FRMD4B: variants seen among roughly 807,000 people sequenced by gnomAD.
The protein encoded by FRMD4B is FERM domain containing 4B.
In FRMD4B, 74 loss-of-function variants were observed where a neutral mutation model predicts 141.5. The observed-to-expected ratio is 0.52, with a 90% CI of 0.43 to 0.63. The LOEUF (loss-of-function observed/expected upper bound fraction) is 0.63, where lower values mean the gene tolerates loss of function less well. Among genes scored for constraint, FRMD4B ranks in the 30% least tolerant of loss-of-function variants. FRMD4B has a pLI of 0.00. For synonymous variants in FRMD4B, 506 were observed against 467.9 expected (o/e 1.08, Z -1.05); for missense variants, 1,366 against 1,253.4 (o/e 1.09, Z -1.36).
intron 3 of FRMD4B, among the ~76,000 whole-genome samples, chr3:69,303,553 A>C (rs1701289332): frequency 6.6e-6 from 1 of 152,326 alleles, no homozygotes; most frequent in East Asian, 1.9e-4. Context: ...AAACTAGGCC[A>C]TATGTTAATA....
intron 2 of FRMD4B, among the ~76,000 whole-genome samples, chr3:69,401,551 T>C (rs1273559203): frequency 6.6e-6 from 1 of 152,152 alleles, no homozygotes; most frequent in East Asian, 1.9e-4. Flanking sequence ...GTATCTTTCT[T>C]CCTCTCTTTC....
At chr3:69,417,587 T>G (rs894963781) in intron 2 of FRMD4B, among the ~76,000 whole-genome samples, 3 of 152,218 alleles carry the variant, frequency 2.0e-5, no homozygotes, top group Non-Finnish European at 4.4e-5. Context: ...TTGTTGCCAT[T>G]GCTTTTGGTG....
intron 1 of FRMD4B, among the ~76,000 whole-genome samples, chr3:69,496,598 TGAAA>T (rs1559545502): frequency 8.3e-6 from 1 of 120,536 alleles, no homozygotes; most frequent in African/African-American, 3.3e-5. Flanking sequence ...AGGTGAAAGA[TGAAA>T]GAGAGAGAGT....
At chr3:69,400,544 GA>G (rs923312669) in intron 2 of FRMD4B, among the ~76,000 whole-genome samples, 25 of 152,238 alleles carry the variant, frequency 1.6e-4, no homozygotes, top group Admixed American at 1.6e-3. Context: ...ACTACTGGAT[GA>G]AAAAACAAAC....
intron 1 of FRMD4B, among the ~76,000 whole-genome samples, chr3:69,477,523 T>C (rs1706023888): frequency 2.0e-5 from 3 of 151,776 alleles, no homozygotes; most frequent in African/African-American, 7.3e-5. Flanking sequence ...TTTGCATATA[T>C]TGAACCAGCC....
intron 1 of FRMD4B, among the ~76,000 whole-genome samples, chr3:69,439,619 A>G (rs1705313983): frequency 6.6e-6 from 1 of 152,154 alleles, no homozygotes; most frequent in Non-Finnish European, 1.5e-5. Context: ...TTCTGTCCCG[A>G]AGTAGAATCT....
At chr3:69,420,466 G>T (rs767797036) in intron 2 of FRMD4B, among the ~76,000 whole-genome samples, 11 of 152,134 alleles carry the variant, frequency 7.2e-5, no homozygotes, top group Non-Finnish European at 1.2e-4. Flanking sequence ...GAGGTTAAGT[G>T]ATTTTCCCCA....
At chr3:69,304,279 T>C (rs1335724463) in intron 3 of FRMD4B, among the ~76,000 whole-genome samples, 1 of 148,726 alleles carries the variant, frequency 6.7e-6, no homozygotes, top group Non-Finnish European at 1.5e-5. Context: ...AGGTCAGGAG[T>C]TTAAGATCAG....
intron 1 of FRMD4B, among the ~76,000 whole-genome samples, chr3:69,452,115 A>G (rs972601452): frequency 2.6e-5 from 4 of 152,272 alleles, no homozygotes; most frequent in African/African-American, 9.6e-5. Context: ...AAGCATCATC[A>G]TTTATTCCTT....
In FRMD4B at chr3:69,310,521, C is replaced by T. The variant is rs990017357; in HGVS notation, c.323+742G>A. ...CATAAAATGTAGGCAAATTGGGCTG[C>T]CATAAAAAAGACAGACAGATACACA... is the stretch of plus-strand genomic sequence containing the variant. On this transcript the variant is annotated intron_variant, in intron 3 of 22. Coordinates refer to ENST00000398540, the MANE Select transcript of FRMD4B (RefSeq NM_015123.3). 5.1e-5 allele frequency: 23 copies of T among 451,130 alleles called. 1 individual carries two copies. In the Admixed American group the frequency reaches 5.5e-4, roughly 11 times the overall value. 27.9% of individuals were successfully genotyped at this position (451,130 alleles called of 1,614,324 possible). A position where few individuals can be genotyped will look rare whatever the true frequency, so the allele number is the denominator to read the frequency against.
intron 2 of FRMD4B, among the ~76,000 whole-genome samples, chr3:69,405,849 T>C (rs1277749246): frequency 1.3e-5 from 2 of 152,238 alleles, no homozygotes; most frequent in African/African-American, 4.8e-5. Flanking sequence ...ACTTGGTCCC[T>C]TGTAGTGAAA....
At chr3:69,204,469 G>C (rs2093002100) in intron 11 of FRMD4B, among the ~76,000 whole-genome samples, 1 of 152,156 alleles carries the variant, frequency 6.6e-6, no homozygotes, top group Non-Finnish European at 1.5e-5. Context: ...TGCAGTGTAT[G>C]ACTATACATC....
intron 1 of FRMD4B, among the ~76,000 whole-genome samples, chr3:69,318,387 C>A (rs6549199): frequency 6.6e-6 from 1 of 152,166 alleles, no homozygotes; most frequent in Non-Finnish European, 1.5e-5. Context: ...GTCATTAATA[C>A]GAGAAAGTCA....
rs149293421 is a variant in FRMD4B, at chr3:69,243,809, G to T, written c.581+5417C>A. On this transcript the variant is annotated intron_variant, in intron 7 of 22. Coordinates refer to ENST00000398540, the MANE Select transcript of FRMD4B (RefSeq NM_015123.3). ...GCTTGTAATCCCAGCACTTTGGGAG[G>T]CCTAGACGGGCAGATCACCTGAGGC... 5.3e-3 allele frequency among the ~76,000 whole-genome samples: 807 copies of T among 152,286 alleles called. 1 individual carries two copies. Among genetic ancestry groups the T allele is most frequent in the Non-Finnish European group, 9.6e-3 (656 of 68,020 alleles).
At chr3:69,451,964 C>T (rs1705508317) in intron 1 of FRMD4B, among the ~76,000 whole-genome samples, 1 of 152,208 alleles carries the variant, frequency 6.6e-6, no homozygotes, top group African/African-American at 2.4e-5. Flanking sequence ...CAGACTCTCA[C>T]ATAAATGGAT....
At chr3:69,495,797 T>G (rs17006021) in intron 1 of FRMD4B, among the ~76,000 whole-genome samples, 4,546 of 152,306 alleles carry the variant, frequency 0.03, 236 homozygotes, top group African/African-American at 0.1. Flanking sequence ...AACTATGAAA[T>G]GGACATACAA....
At chr3:69,265,670 A>G (rs979407141) in intron 5 of FRMD4B, among the ~76,000 whole-genome samples, 10 of 151,570 alleles carry the variant, frequency 6.6e-5, no homozygotes, top group Admixed American at 4.6e-4. Context: ...GATGGTCTCG[A>G]TCTCCTGACA....
chr3:69,280,895 A>G (rs1016702818), intron 5 of FRMD4B, among the ~76,000 whole-genome samples: 1 of 152,128 alleles, frequency 6.6e-6, no homozygotes, highest in African/African-American at 2.4e-5. Flanking sequence ...CTGGGATTAC[A>G]GGCATGAGAC....
chr3:69,223,724 T>C (rs4855367), intron 8 of FRMD4B, among the ~76,000 whole-genome samples: 147,151 of 152,052 alleles, frequency 0.97, 71,352 homozygotes, highest in East Asian at 1. Flanking sequence ...CTGTAATCCT[T>C]GCTACTCGGG....
Sources: allele counts gnomAD v4.1 joint callset (sites outside exome capture counted in the v4.1 genomes callset), GRCh38; gene constraint gnomAD v4.1.1; transcripts MANE v1.5; gene names NCBI Gene and HGNC (gene_info 2026-07-23, HGNC 2026-07-21).